The following GRM5 variants were observed in gnomAD, a reference collection of about 807,000 sequenced individuals.
GRM5 encodes metabotropic glutamate receptor 5.
GRM5 carries 19 observed loss-of-function variants against 83.1 expected under a neutral mutation model. That is an observed-to-expected ratio of 0.23 (90% CI 0.16 to 0.34). The LOEUF is 0.34. Ranked by LOEUF, GRM5 falls within the 10% of genes least tolerant of loss-of-function variation. GRM5 has a pLI of 1.00. For missense variants in GRM5, 1,160 were observed against 1,588.3 expected, an observed-to-expected ratio of 0.73 and a Z score of 4.58; for synonymous variants, 675 against 633.6, an observed-to-expected ratio of 1.07 and a Z score of -0.98.
intron 3 of GRM5, among the ~76,000 whole-genome samples, chr11:88,720,185 T>C (rs923255881): frequency 1.3e-5 from 2 of 152,074 alleles, no homozygotes; most frequent in Non-Finnish European, 2.9e-5. Context: ...GAGATATGCA[T>C]GGAAGACAGG....
At chr11:88,962,261 C>T (rs1938808342) in intron 2 of GRM5, among the ~76,000 whole-genome samples, 1 of 152,052 alleles carries the variant, frequency 6.6e-6, no homozygotes, top group South Asian at 2.1e-4. Flanking sequence ...ATAATTTAGC[C>T]ATCCACCCAC....
At chr11:88,800,296 A>G (rs1214733782) in intron 3 of GRM5, among the ~76,000 whole-genome samples, 1 of 152,088 alleles carries the variant, frequency 6.6e-6, no homozygotes, top group Non-Finnish European at 1.5e-5. Context: ...CTCTCCAGCC[A>G]AAACAGTACT....
intron 2 of GRM5, among the ~76,000 whole-genome samples, chr11:88,908,510 C>T (rs1205170674): frequency 1.3e-5 from 2 of 152,070 alleles, no homozygotes; most frequent in Non-Finnish European, 1.5e-5. Flanking sequence ...AACCCAGATT[C>T]GGTAACTATC....
rs762327717 is a variant in GRM5 at position 88,509,139 on chromosome 11, G to C, written c.3092C>G (p.Ser1031Trp). The C allele has an allele frequency of 6.5e-7, 1 of 1,540,944 alleles. No homozygotes were observed. The highest frequency in any genetic ancestry group is 1.2e-5 in the South Asian group (1 of 83,654). Reference protein sequence around the residue: ...PISTLSHRAGSASRTDDDVPS... With the variant: ...PISTLSHRAGWASRTDDDVPS... ...CACATCGTCGTCCGTGCGGCTGGCCGAGCCCGCGCGGTGGCTCAGCGTGCT... is the reference window on the plus strand; with the variant it reads ...CACATCGTCGTCCGTGCGGCTGGCCCAGCCCGCGCGGTGGCTCAGCGTGCT... The change falls in exon 10 of 10, where the codon TCG becomes TGG. Residue 1031 changes from serine (S) to tryptophan (W), a missense_variant. Ser to Trp is a radical substitution (Grantham distance 177, BLOSUM62 -3). Around this residue, in one of 9 missense-constraint regions of GRM5, gnomAD observed 562 missense variants for 532.4 expected, o/e 1.06. Coordinates refer to ENST00000305447, the MANE Select transcript of GRM5 (RefSeq NM_001143831.3).
intron 3 of GRM5, among the ~76,000 whole-genome samples, chr11:88,664,195 G>GT (rs200840681): frequency 0.011 from 1,652 of 152,024 alleles, 29 homozygotes; most frequent in African/African-American, 0.037. Context: ...TGTATGTAGT[G>GT]TTTTTTTCCT....
intron 2 of GRM5, among the ~76,000 whole-genome samples, chr11:88,867,252 A>G (rs546522878): frequency 6.6e-6 from 1 of 151,898 alleles, no homozygotes; most frequent in Non-Finnish European, 1.5e-5. Flanking sequence ...AATAAAGTCA[A>G]TGGTAGCTTG....
intron 2 of GRM5, among the ~76,000 whole-genome samples, chr11:88,886,524 C>T (rs1208849773): frequency 2.0e-5 from 3 of 152,112 alleles, no homozygotes; most frequent in East Asian, 3.9e-4. Flanking sequence ...ATGGAGCATC[C>T]CCCAGTACCC....
At chr11:88,517,573 A>G (rs148086313) in intron 9 of GRM5, among the ~76,000 whole-genome samples, 1 of 152,190 alleles carries the variant, frequency 6.6e-6, no homozygotes, top group African/African-American at 2.4e-5. Context: ...CTACATTTCA[A>G]TATTACCATT....
intron 3 of GRM5, among the ~76,000 whole-genome samples, chr11:88,695,289 G>C (rs1267923760): frequency 6.6e-6 from 1 of 150,756 alleles, no homozygotes; most frequent in Non-Finnish European, 1.5e-5. Context: ...CTTAGATGTT[G>C]AAAAAAAAAG....
At chr11:88,616,404 T>G (rs1938487210) in intron 4 of GRM5, among the ~76,000 whole-genome samples, 3 of 150,210 alleles carry the variant, frequency 2.0e-5, no homozygotes, top group South Asian at 2.1e-4. Flanking sequence ...TTTTTTTTTT[T>G]TTTTTTTTTT....
intron 3 of GRM5, among the ~76,000 whole-genome samples, chr11:88,678,229 T>A (rs1385762660): frequency 6.6e-6 from 1 of 151,966 alleles, no homozygotes; most frequent in Non-Finnish European, 1.5e-5. Flanking sequence ...CAGCTAATTG[T>A]TAATTTTTTT....
chr11:88,731,760 T>C (rs1017890696), intron 3 of GRM5, among the ~76,000 whole-genome samples: 2 of 152,018 alleles, frequency 1.3e-5, no homozygotes, highest in African/African-American at 4.8e-5. Context: ...GTGTCAGATT[T>C]GCTCAAGAGT....
intron 3 of GRM5, among the ~76,000 whole-genome samples, chr11:88,811,742 A>C (rs904302548): frequency 6.6e-6 from 1 of 152,144 alleles, no homozygotes; most frequent in African/African-American, 2.4e-5. Context: ...GATATCTTAC[A>C]TAAAGCATAC....
In GRM5 at chr11:88,902,046, T is replaced by C. The variant is rs149497871; in HGVS notation, c.662-51891A>G. Among the ~76,000 whole-genome samples the C allele has an allele frequency of 2.0e-5, 3 of 152,308 alleles. No individual in the cohort carries two copies. The East Asian group carries it at 5.8e-4, about 29-fold the overall frequency. On this transcript the variant is annotated intron_variant, in intron 2 of 9. Coordinates refer to ENST00000305447, the MANE Select transcript of GRM5 (RefSeq NM_001143831.3). ...TAAATTCTCTTTATTCTTTATGGTT[T>C]AGACGATCCCCTGAGAAGGTCCCAA...
chr11:88,518,693 C>G (rs1751609089), intron 9 of GRM5, among the ~76,000 whole-genome samples: 1 of 151,902 alleles, frequency 6.6e-6, no homozygotes. Context: ...TGACCACCAT[C>G]CAAATCTTGG....
intron 1 of GRM5, among the ~76,000 whole-genome samples, chr11:89,049,070 C>T (rs1355839756): frequency 6.6e-6 from 1 of 152,134 alleles, no homozygotes; most frequent in Admixed American, 6.5e-5. Flanking sequence ...ACAGAAAATT[C>T]TCTGGCAACC....
intron 4 of GRM5, among the ~76,000 whole-genome samples, chr11:88,624,673 C>A (rs192048605): frequency 6.6e-6 from 1 of 152,134 alleles, no homozygotes; most frequent in Non-Finnish European, 1.5e-5. Context: ...CAGAGCAAGA[C>A]CCTGTCTGTA....
chr11:88,513,390 C>T (rs1160899189), intron 9 of GRM5, among the ~76,000 whole-genome samples: 1 of 152,080 alleles, frequency 6.6e-6, no homozygotes, highest in African/African-American at 2.4e-5. Context: ...AATTGTTTTC[C>T]TGTTAGAATT....
chr11:89,002,572 A>G (rs1171819071), intron 2 of GRM5, among the ~76,000 whole-genome samples: 2 of 152,186 alleles, frequency 1.3e-5, no homozygotes, highest in Non-Finnish European at 2.9e-5. Flanking sequence ...TCTACTAAAT[A>G]TGTTATCTGC....
Sources: gnomAD v4.1 joint callset for allele counts (sites outside exome capture counted in the v4.1 genomes callset) on GRCh38, gnomAD v4.1.1 for gene constraint, gnomAD v4.1.1 regional missense constraint, MANE v1.5 for transcripts, NCBI Gene and HGNC (gene_info 2026-07-23, HGNC 2026-07-21) for gene names.